The following MGAT4C variants were observed in gnomAD, a reference collection of about 807,000 sequenced individuals.
MGAT4C encodes the protein MGAT4 family member C.
Under a neutral mutation model 40.1 loss-of-function variants are expected in MGAT4C, and 19 were observed. The ratio of observed to expected loss-of-function variants is 0.47; its 90% CI spans 0.33 to 0.70. The LOEUF (loss-of-function observed/expected upper bound fraction) is 0.70. Ranked by LOEUF, MGAT4C falls within the 30% of genes least tolerant of loss-of-function variation. The probability of loss-of-function intolerance (pLI) is 0.02; values close to 1 mark genes in which losing one functional copy is unlikely to be tolerated. For synonymous variants in MGAT4C, 181 were observed against 187.1 expected, an observed-to-expected ratio of 0.97 and a Z score of 0.27; for missense variants, 491 against 563.2, an observed-to-expected ratio of 0.87 and a Z score of 1.30.
chr12:86,464,631 G>T (rs1367927117), intron 2 of MGAT4C, among the ~76,000 whole-genome samples: 4 of 152,024 alleles, frequency 2.6e-5, no homozygotes, highest in Non-Finnish European at 5.9e-5. Flanking sequence ...TTACTTGAGT[G>T]CAATAACTGT....
intron 2 of MGAT4C, among the ~76,000 whole-genome samples, chr12:86,533,581 C>T (rs932594259): frequency 7.9e-5 from 12 of 151,526 alleles, no homozygotes; most frequent in African/African-American, 2.9e-4. Flanking sequence ...TATGTATATA[C>T]ATAATTAATT....
In MGAT4C at chr12:86,683,554, T is replaced by C. The variant is rs368195103; in HGVS notation, c.-229+43655A>G. Among the ~76,000 whole-genome samples the C allele has an allele frequency of 6.9e-4, 105 of 152,164 alleles. 1 individual carries two copies. The highest frequency in any genetic ancestry group is 4.0e-4 in the Non-Finnish European group (27 of 67,984). On this transcript the variant is annotated intron_variant, in intron 2 of 7. Coordinates refer to the MGAT4C transcript ENST00000548651. ...AATTATGTTTGGATATGAATGAGGC[T>C]GGAAAAAAACTCACTACTATGAAAA...
chr12:86,378,416 C>CT (rs1955871064), intron 3 of MGAT4C, among the ~76,000 whole-genome samples: 1 of 152,010 alleles, frequency 6.6e-6, no homozygotes, highest in African/African-American at 2.4e-5. Flanking sequence ...ATAAGAATCT[C>CT]TAGACATTTG....
chr12:86,654,919 G>A (rs1427022783), intron 2 of MGAT4C, among the ~76,000 whole-genome samples: 4 of 151,930 alleles, frequency 2.6e-5, no homozygotes, highest in African/African-American at 9.7e-5. Flanking sequence ...ATTGATATAT[G>A]AAAATAAATA....
intron 2 of MGAT4C, among the ~76,000 whole-genome samples, chr12:86,603,472 A>C (rs1206816768): frequency 1.7e-5 from 2 of 119,790 alleles, no homozygotes; most frequent in East Asian, 2.4e-4. Context: ...TATATACTAT[A>C]TATAGTCTAT....
intron 3 of MGAT4C, among the ~76,000 whole-genome samples, chr12:86,394,732 G>A (rs1956224934): frequency 6.7e-6 from 1 of 149,270 alleles, no homozygotes; most frequent in African/African-American, 2.5e-5. Context: ...CAATTCTCCT[G>A]CCTCAGCCTC....
intron 1 of MGAT4C, among the ~76,000 whole-genome samples, chr12:86,105,539 G>A (rs1374822860): frequency 6.6e-6 from 1 of 151,940 alleles, no homozygotes; most frequent in Non-Finnish European, 1.5e-5. Flanking sequence ...TCTATCTCAC[G>A]TTTCCTATAA....
intron 2 of MGAT4C, among the ~76,000 whole-genome samples, chr12:86,439,213 A>G (rs1248379004): frequency 6.6e-6 from 1 of 151,948 alleles, no homozygotes; most frequent in East Asian, 1.9e-4. Context: ...CCAAGATAGA[A>G]CACATAACAA....
chr12:86,667,638 C>T (rs1489864278), intron 2 of MGAT4C, among the ~76,000 whole-genome samples: 3 of 152,164 alleles, frequency 2.0e-5, no homozygotes, highest in Non-Finnish European at 1.5e-5. Context: ...GGAATGAAAC[C>T]ACAGACCATA....
At chr12:86,191,102 CACACACACA>C in intron 1 of MGAT4C, among the ~76,000 whole-genome samples, 1 of 145,608 alleles carries the variant, frequency 6.9e-6, no homozygotes, top group Non-Finnish European at 1.5e-5. Flanking sequence ...CACACACACA[CACACACACA>C]CACACACACA....
At position 85,959,563 on chromosome 12, in the gene MGAT4C, TAC is replaced by T. The variant is rs897888108; in HGVS notation, c.*19724_*19725del. On this transcript the variant is annotated 3_prime_UTR_variant, in exon 5 of 5. Coordinates refer to ENST00000611864, the MANE Select transcript of MGAT4C (RefSeq NM_001351288.2). Reference sequence around the variant, plus strand: ...TGAATTTTACTACTTTAGACAAAGGTACAACACTCTATTCAAAAAAGTTATTG... The same window carrying T: ...TGAATTTTACTACTTTAGACAAAGGTAACACTCTATTCAAAAAAGTTATTG... 11 of 152,012 alleles carry T rather than the reference TAC, an allele frequency of 7.2e-5. No homozygotes were observed. Among genetic ancestry groups the T allele is most frequent in the Admixed American group, 5.9e-4 (9 of 15,246 alleles). The allele number at this position is 152,012 out of a possible 1,614,324, so 9.4% of individuals were successfully genotyped here.
intron 1 of MGAT4C, among the ~76,000 whole-genome samples, chr12:86,134,791 G>T (rs540729475): frequency 6.6e-6 from 1 of 152,206 alleles, no homozygotes; most frequent in South Asian, 2.1e-4. Flanking sequence ...GAAGAGTGCC[G>T]ATCTCTAAGG....
At chr12:86,676,944 C>A (rs1389537689) in intron 2 of MGAT4C, among the ~76,000 whole-genome samples, 5 of 152,012 alleles carry the variant, frequency 3.3e-5, no homozygotes, top group Non-Finnish European at 5.9e-5. Flanking sequence ...AGCCATCAGT[C>A]TTTTAAATAT....
intron 2 of MGAT4C, among the ~76,000 whole-genome samples, chr12:86,435,442 T>G (rs1297515761): frequency 2.0e-5 from 3 of 151,906 alleles, no homozygotes; most frequent in African/African-American, 7.2e-5. Context: ...CTGAGATTAA[T>G]ATCTTTAAAG....
At chr12:86,767,680 G>T (rs922251055) in intron 1 of MGAT4C, among the ~76,000 whole-genome samples, 1 of 152,126 alleles carries the variant, frequency 6.6e-6, no homozygotes, top group Non-Finnish European at 1.5e-5. Context: ...GATCAAGTGG[G>T]CTTCATCCCT....
At chr12:86,328,737 T>A (rs1029588559) in intron 4 of MGAT4C, among the ~76,000 whole-genome samples, 1 of 152,300 alleles carries the variant, frequency 6.6e-6, no homozygotes, top group Middle Eastern at 3.4e-3. Context: ...TAATTATCTT[T>A]GATTTGTTAG....
intron 1 of MGAT4C, among the ~76,000 whole-genome samples, chr12:86,836,610 G>T (rs976363695): frequency 2.6e-5 from 4 of 152,032 alleles, no homozygotes; most frequent in African/African-American, 9.7e-5. Context: ...GAATCCTATG[G>T]GGAGGCAAGA....
At chr12:86,597,390 A>G (rs1436513571) in intron 2 of MGAT4C, among the ~76,000 whole-genome samples, 1 of 152,224 alleles carries the variant, frequency 6.6e-6, no homozygotes, top group Non-Finnish European at 1.5e-5. Flanking sequence ...TAATCAGGGA[A>G]AAAGGAAGAG....
At chr12:86,504,814 G>C (rs1958441260) in intron 2 of MGAT4C, among the ~76,000 whole-genome samples, 1 of 152,098 alleles carries the variant, frequency 6.6e-6, no homozygotes, top group Non-Finnish European at 1.5e-5. Flanking sequence ...AGCCTCCTGA[G>C]TAGCTGAGAC....
Sources: allele counts gnomAD v4.1 joint callset (sites outside exome capture counted in the v4.1 genomes callset), GRCh38; gene constraint gnomAD v4.1.1; transcripts MANE v1.5; gene names NCBI Gene and HGNC (gene_info 2026-07-23, HGNC 2026-07-21).